Variants in IKZF3 observed in about 807,000 individuals in gnomAD.
IKZF3 encodes the protein IKAROS family zinc finger 3, also known as zinc finger protein Aiolos.
In IKZF3, 10 loss-of-function variants were observed where a neutral mutation model predicts 49.0. The ratio of observed to expected loss-of-function variants is 0.20; its 90% CI spans 0.13 to 0.35. IKZF3 has a LOEUF of 0.35. Among genes scored for constraint, IKZF3 ranks in the 10% least tolerant of loss-of-function variants. The pLI is 1.00. For synonymous variants in IKZF3, 209 were observed against 228.2 expected (o/e 0.92, Z 0.76); for missense variants, 498 against 664.8 (o/e 0.75, Z 2.76).
chr17:39,765,981 C>T lies in IKZF3; in HGVS notation c.1339G>A (p.Glu447Lys). The change falls in exon 8 of 8, where the codon GAG becomes AAG. Residue 447 changes from glutamate (E) to lysine (K), a missense_variant. Coordinates refer to ENST00000346872, the MANE Select transcript of IKZF3 (RefSeq NM_012481.5). ...DSVKVINKEG[E>K]VMDVYRCDHC... ...TCACACCGATACACATCCATCACCT[C>T]CCCTTCCTTGTTGATCACTTTGACG... The T allele has an allele frequency of 6.2e-7, 1 of 1,614,206 alleles. No homozygotes were observed.
At position 39,775,648 on chromosome 17, in the gene IKZF3, G is replaced by A. The variant is rs1242988365; in HGVS notation, c.826+2003C>T. ...CTGGATTGAAATTAAGTCACAGCTG[G>A]GCGCAGTGGCTCACGCCTGTAATCC... On this transcript the variant is annotated intron_variant, in intron 7 of 7. Coordinates refer to ENST00000346872, the MANE Select transcript of IKZF3 (RefSeq NM_012481.5). Among the ~76,000 whole-genome samples, 3 of 152,302 alleles carry A rather than the reference G, an allele frequency of 2.0e-5. No homozygotes were observed. The East Asian group carries it at 5.8e-4, about 29-fold the overall frequency.
chr17:39,836,906 T>C (rs2062301619), intron 1 of IKZF3, among the ~76,000 whole-genome samples: 1 of 152,218 alleles, frequency 6.6e-6, no homozygotes, highest in African/African-American at 2.4e-5. Flanking sequence ...TACTTTCTAA[T>C]TACCCACATA....
At chr17:39,791,729 C>T in intron 4 of IKZF3, 146 bp from the exon 5 acceptor site, 1 of 765,030 alleles carries the variant, frequency 1.3e-6, no homozygotes, top group South Asian at 1.9e-5. Context: ...CAAGGCAAGC[C>T]TAAGACTTAC....
At chr17:39,804,813 T>C (rs1353384928) in intron 3 of IKZF3, among the ~76,000 whole-genome samples, 1 of 152,216 alleles carries the variant, frequency 6.6e-6, no homozygotes, top group Non-Finnish European at 1.5e-5. Context: ...TTTACTTATA[T>C]CCTCTGTTTA....
chr17:39,858,390 T>C (rs114732156), intron 1 of IKZF3, among the ~76,000 whole-genome samples: 194 of 152,312 alleles, frequency 1.3e-3, no homozygotes, highest in African/African-American at 4.5e-3. Flanking sequence ...TAAGTACAAT[T>C]TGTGACATAT....
chr17:39,798,224 G>A (rs1040772634), intron 3 of IKZF3, among the ~76,000 whole-genome samples: 6 of 151,992 alleles, frequency 3.9e-5, no homozygotes, highest in Admixed American at 2.6e-4. Flanking sequence ...TTTCCAGCCC[G>A]TCTTGTTTGT....
intron 7 of IKZF3, among the ~76,000 whole-genome samples, chr17:39,768,344 T>A (rs561355161): frequency 2.4e-4 from 36 of 152,268 alleles, no homozygotes; most frequent in African/African-American, 8.2e-4. Context: ...GGAGAGGACA[T>A]CCTAGTTGAG....
In IKZF3 at chr17:39,764,636, G is replaced by A. The variant is rs2060249013; in HGVS notation, c.*1154C>T. 6.6e-6 allele frequency: 1 copy of A among 152,054 alleles called. No individual in the cohort carries two copies. The highest frequency in any genetic ancestry group is 1.5e-5 in the Non-Finnish European group (1 of 68,032). 9.4% of individuals were successfully genotyped at this position (152,054 alleles called of 1,614,324 possible). ...ATGACTTATACATCTGCAGAACCGT[G>A]ATCAGACTTTCAGGAATTTTCATGG... On this transcript the variant is annotated 3_prime_UTR_variant, in exon 8 of 8. Transcript: ENST00000346872.
At chr17:39,823,835 G>A (rs186668422) in intron 3 of IKZF3, among the ~76,000 whole-genome samples, 10 of 152,184 alleles carry the variant, frequency 6.6e-5, no homozygotes, top group Non-Finnish European at 8.8e-5. Flanking sequence ...TGAAAACATC[G>A]GATGTCCAGA....
intron 6 of IKZF3, among the ~76,000 whole-genome samples, chr17:39,783,451 A>G (rs2060794930): frequency 6.6e-6 from 1 of 152,076 alleles, no homozygotes; most frequent in South Asian, 2.1e-4. Context: ...CCTCCTGAGT[A>G]GCTGGGACTA....
chr17:39,837,017 G>A (rs560816349), intron 1 of IKZF3, among the ~76,000 whole-genome samples: 42 of 151,746 alleles, frequency 2.8e-4, no homozygotes, highest in African/African-American at 9.7e-4. Context: ...CTGCAGCCTC[G>A]ACCTCCTGGG....
rs898721052 is a variant in IKZF3, at chr17:39,864,167, C to G, written c.-41G>C. 1.9e-6 allele frequency: 3 copies of G among 1,608,830 alleles called. No homozygotes were observed. Among genetic ancestry groups the G allele is most frequent in the Non-Finnish European group, 2.5e-6 (3 of 1,177,894 alleles). ...GGCTGGAGCTGCCGCTGTGGCTACT[C>G]GGCCTCTCCACGTGCTCCTGCCGTC... On this transcript the variant is annotated 5_prime_UTR_variant, in exon 1 of 8. Transcript: ENST00000346872.
At chr17:39,795,805 C>T (rs180819131) in intron 3 of IKZF3, among the ~76,000 whole-genome samples, 16 of 151,338 alleles carry the variant, frequency 1.1e-4, no homozygotes, top group Non-Finnish European at 1.8e-4. Context: ...GTAATCTCAG[C>T]ACTTTGGGAG....
chr17:39,838,620 T>A (rs2062373499), intron 1 of IKZF3, among the ~76,000 whole-genome samples: 1 of 152,206 alleles, frequency 6.6e-6, no homozygotes. Context: ...GAAGTGTAAT[T>A]ACTATAGTTT....
At chr17:39,801,222 C>A (rs1314111567) in intron 3 of IKZF3, among the ~76,000 whole-genome samples, 2 of 151,744 alleles carry the variant, frequency 1.3e-5, no homozygotes, top group Non-Finnish European at 2.9e-5. Flanking sequence ...TCAGCAAATG[C>A]AAAAGTCAAC....
At chr17:39,803,568 C>A (rs1368743563) in intron 3 of IKZF3, among the ~76,000 whole-genome samples, 1 of 149,602 alleles carries the variant, frequency 6.7e-6, no homozygotes, top group Non-Finnish European at 1.5e-5. Flanking sequence ...GGCTGGAGTG[C>A]AATGGCGCGA....
chr17:39,860,911 AT>A (rs1369557716), intron 1 of IKZF3, among the ~76,000 whole-genome samples: 1 of 152,204 alleles, frequency 6.6e-6, no homozygotes, highest in African/African-American at 2.4e-5. Context: ...CTAGCAAAAA[AT>A]ATCCAATAAC....
At chr17:39,838,794 G>T (rs571354328) in intron 1 of IKZF3, among the ~76,000 whole-genome samples, 2 of 152,132 alleles carry the variant, frequency 1.3e-5, no homozygotes, top group South Asian at 4.1e-4. Flanking sequence ...TACATAAATT[G>T]TGAATTCTAT....
chr17:39,824,222 A>G (rs1012529991), intron 3 of IKZF3, among the ~76,000 whole-genome samples: 11 of 152,302 alleles, frequency 7.2e-5, no homozygotes, highest in Non-Finnish European at 2.9e-5. Flanking sequence ...TGACTGCCCT[A>G]TTGGATTCCG....
Sources: allele counts gnomAD v4.1 joint callset (sites outside exome capture counted in the v4.1 genomes callset), GRCh38; gene constraint gnomAD v4.1.1; transcripts MANE v1.5; gene names NCBI Gene and HGNC (gene_info 2026-07-23, HGNC 2026-07-21).